The following CHRM3 variants were observed in gnomAD, a reference collection of about 807,000 sequenced individuals.
CHRM3 encodes the protein cholinergic receptor muscarinic 3.
CHRM3 carries 11 observed loss-of-function variants against 41.8 expected under a neutral mutation model. That is an observed-to-expected ratio of 0.26 (90% CI 0.17 to 0.44). The LOEUF is 0.44. CHRM3 is among the 20% of genes least tolerant of loss of function. The pLI is 1.00. For missense variants in CHRM3, 571 were observed against 745.4 expected, an observed-to-expected ratio of 0.77 and a Z score of 2.72; for synonymous variants, 297 against 301.4, an observed-to-expected ratio of 0.99 and a Z score of 0.15.
At chr1:239,853,945 T>C (rs939507800) in intron 6 of CHRM3, among the ~76,000 whole-genome samples, 2 of 152,138 alleles carry the variant, frequency 1.3e-5, no homozygotes, top group Non-Finnish European at 2.9e-5. Flanking sequence ...GAGGATGCTA[T>C]GTAATTTACT....
intron 5 of CHRM3, among the ~76,000 whole-genome samples, chr1:239,683,481 T>G (rs2149106797): frequency 6.6e-6 from 1 of 152,344 alleles, no homozygotes; most frequent in Admixed American, 6.5e-5. Context: ...CATCTAGATT[T>G]TATTCAGGCA....
At chr1:239,644,949 T>C (rs1671608303) in intron 4 of CHRM3, among the ~76,000 whole-genome samples, 1 of 152,160 alleles carries the variant, frequency 6.6e-6, no homozygotes, top group Admixed American at 6.5e-5. Flanking sequence ...ATTCCCAGCC[T>C]GGACTTCCCA....
At chr1:239,782,398 A>G (rs1225960009) in intron 5 of CHRM3, among the ~76,000 whole-genome samples, 3 of 152,240 alleles carry the variant, frequency 2.0e-5, no homozygotes, top group South Asian at 4.1e-4. Context: ...TGTGGGCAAC[A>G]TGTGTTCATA....
chr1:239,425,983 T>C (rs1662337517), intron 1 of CHRM3, among the ~76,000 whole-genome samples: 1 of 152,060 alleles, frequency 6.6e-6, no homozygotes, highest in South Asian at 2.1e-4. Context: ...AGTAAGGCTA[T>C]TTTTTTATTT....
chr1:239,832,508 C>T (rs1300872218), intron 6 of CHRM3, among the ~76,000 whole-genome samples: 1 of 151,872 alleles, frequency 6.6e-6, no homozygotes, highest in African/African-American at 2.4e-5. Context: ...AAACTGTTAC[C>T]GGGAAGGGGT....
intron 4 of CHRM3, among the ~76,000 whole-genome samples, chr1:239,639,258 G>C (rs1670829422): frequency 6.6e-6 from 1 of 152,104 alleles, no homozygotes; most frequent in African/African-American, 2.4e-5. Context: ...CTCTATTTTG[G>C]TTCCATATGA....
At chr1:239,712,608 A>C (rs1353362445) in intron 5 of CHRM3, among the ~76,000 whole-genome samples, 2 of 152,228 alleles carry the variant, frequency 1.3e-5, no homozygotes, top group African/African-American at 4.8e-5. Context: ...GAATTTAAGC[A>C]TAATGCCGCA....
chr1:239,631,290 G>T lies in CHRM3; in HGVS notation c.-312-934G>T, dbSNP rs181594322. Among the ~76,000 whole-genome samples, 3 of 152,174 alleles carry T rather than the reference G, an allele frequency of 2.0e-5. No homozygotes were observed. In the East Asian group the frequency reaches 5.8e-4, roughly 29 times the overall value. ...GCTGATCTTGTCACAGATGACACTC[G>T]CAGAGGTTTCACTAGGCTCCTCTCT... On this transcript the variant is annotated intron_variant, in intron 3 of 6. Transcript: ENST00000676153.
chr1:239,592,361 A>ATTAAAC (rs1664271135), intron 3 of CHRM3, among the ~76,000 whole-genome samples: 1 of 152,162 alleles, frequency 6.6e-6, no homozygotes, highest in Non-Finnish European at 1.5e-5. Context: ...AGTGGTGTTT[A>ATTAAAC]ATGTAACTAT....
In CHRM3 at chr1:239,687,631, A is replaced by G. The variant is rs374358496; in HGVS notation, c.-147+9343A>G. ...ACCAGGGACAGTTAAGAAAATATTC[A>G]TTAGAGTTTACACACATAGCCACGT... On this transcript the variant is annotated intron_variant, in intron 5 of 6. Coordinates refer to ENST00000676153, the MANE Select transcript of CHRM3 (RefSeq NM_001375978.1). 1.1e-4 allele frequency among the ~76,000 whole-genome samples: 16 copies of G among 152,276 alleles called. No individual in the cohort carries two copies. In the East Asian group the frequency reaches 2.1e-3, roughly 20 times the overall value.
chr1:239,552,257 A>G (rs931908878), intron 3 of CHRM3, among the ~76,000 whole-genome samples: 1 of 147,224 alleles, frequency 6.8e-6, no homozygotes, highest in African/African-American at 2.5e-5. Context: ...TGTATAGATG[A>G]TATGTATCAT....
chr1:239,640,279 T>TA (rs954832678), intron 4 of CHRM3, among the ~76,000 whole-genome samples: 3 of 152,216 alleles, frequency 2.0e-5, no homozygotes, highest in Admixed American at 6.5e-5. Flanking sequence ...GCTGGCATCA[T>TA]AAAATGAGTT....
intron 3 of CHRM3, among the ~76,000 whole-genome samples, chr1:239,585,119 A>G (rs1663282172): frequency 6.6e-6 from 1 of 151,498 alleles, no homozygotes; most frequent in African/African-American, 2.4e-5. Flanking sequence ...GTATACATAT[A>G]CATATATGTG....
At chr1:239,574,179 A>G (rs1662110474) in intron 3 of CHRM3, among the ~76,000 whole-genome samples, 1 of 152,172 alleles carries the variant, frequency 6.6e-6, no homozygotes, top group Admixed American at 6.5e-5. Flanking sequence ...CTGAGCTGCC[A>G]AAATGATCCT....
chr1:239,472,583 A>T (rs1216430496), intron 1 of CHRM3, among the ~76,000 whole-genome samples: 1 of 152,228 alleles, frequency 6.6e-6, no homozygotes, highest in African/African-American at 2.4e-5. Context: ...CAGGGACATG[A>T]ATGGAGCTAG....
chr1:239,829,082 G>T (rs1672697398), intron 6 of CHRM3, among the ~76,000 whole-genome samples: 1 of 152,128 alleles, frequency 6.6e-6, no homozygotes, highest in Non-Finnish European at 1.5e-5. Flanking sequence ...TGCTGTTATT[G>T]TTTTGCTTTG....
chr1:239,573,273 G>A (rs1662000290), intron 3 of CHRM3, among the ~76,000 whole-genome samples: 1 of 152,070 alleles, frequency 6.6e-6, no homozygotes, highest in African/African-American at 2.4e-5. Context: ...TATCCCAGCA[G>A]TTTTACTGAG....
chr1:239,600,434 T>G (rs192835411), intron 3 of CHRM3, among the ~76,000 whole-genome samples: 20 of 152,140 alleles, frequency 1.3e-4, no homozygotes, highest in African/African-American at 4.8e-4. Context: ...TTTTCCAGAT[T>G]GTGTCAGGTA....
chr1:239,416,853 C>T (rs1661540648), intron 1 of CHRM3, among the ~76,000 whole-genome samples: 1 of 152,076 alleles, frequency 6.6e-6, no homozygotes, highest in African/African-American at 2.4e-5. Flanking sequence ...AGATAAACTA[C>T]CAAGGTAACA....
Sources: allele counts gnomAD v4.1 joint callset (sites outside exome capture counted in the v4.1 genomes callset), GRCh38; gene constraint gnomAD v4.1.1; transcripts MANE v1.5; gene names NCBI Gene and HGNC (gene_info 2026-07-23, HGNC 2026-07-21).